The following CPNE8 variants were observed in gnomAD, a reference collection of about 807,000 sequenced individuals.
CPNE8 encodes the protein copine 8.
CPNE8 carries 45 observed loss-of-function variants against 81.5 expected under a neutral mutation model. The observed-to-expected ratio is 0.55, with a 90% CI of 0.44 to 0.71. CPNE8 has a LOEUF of 0.71. CPNE8 is among the 30% of genes least tolerant of loss of function. The pLI is 0.00. For missense variants in CPNE8, 594 were observed against 672.1 expected, an observed-to-expected ratio of 0.88 and a Z score of 1.28; for synonymous variants, 252 against 226.3, an observed-to-expected ratio of 1.11 and a Z score of -1.02.
chr12:38,786,671 A>T (rs1190911918), intron 6 of CPNE8, among the ~76,000 whole-genome samples: 5 of 152,138 alleles, frequency 3.3e-5, no homozygotes, highest in African/African-American at 1.2e-4. Flanking sequence ...ATGGAAACCA[A>T]ATAAGAGTAG....
intron 3 of CPNE8, among the ~76,000 whole-genome samples, chr12:38,860,744 A>G (rs537790640): frequency 6.6e-6 from 1 of 152,310 alleles, no homozygotes; most frequent in South Asian, 2.1e-4. Flanking sequence ...TAAACCAGAC[A>G]CAGAAGGACA....
chr12:38,748,306 C>T (rs561326575), intron 10 of CPNE8, among the ~76,000 whole-genome samples: 4 of 152,060 alleles, frequency 2.6e-5, no homozygotes, highest in African/African-American at 7.2e-5. Context: ...CAACCCCATC[C>T]GAACGCAATA....
chr12:38,902,356 GAAAGAAAGAAAGAAAGAAAGAAAGA>G (rs1944487519), intron 1 of CPNE8, among the ~76,000 whole-genome samples: 1 of 59,094 alleles, frequency 1.7e-5, no homozygotes, highest in Admixed American at 1.8e-4. Context: ...AAGAAAGAAA[GAAAGAAAGAAAGAAAGAAAGAAAGA>G]AAAGAAAGAA....
At chr12:38,876,623 C>G (rs1592150635) in intron 1 of CPNE8, among the ~76,000 whole-genome samples, 1 of 152,078 alleles carries the variant, frequency 6.6e-6, no homozygotes, top group African/African-American at 2.4e-5. Context: ...AACAAAAAAC[C>G]CTTTGTATAA....
At chr12:38,858,242 T>C (rs1045317004) in intron 3 of CPNE8, among the ~76,000 whole-genome samples, 2 of 152,192 alleles carry the variant, frequency 1.3e-5, no homozygotes, top group African/African-American at 4.8e-5. Context: ...TTTTCCTCCA[T>C]ATAAAGCCAA....
intron 6 of CPNE8, among the ~76,000 whole-genome samples, chr12:38,818,719 C>A (rs1943066172): frequency 6.6e-6 from 1 of 152,210 alleles, no homozygotes; most frequent in African/African-American, 2.4e-5. Flanking sequence ...CTGTCTTCCA[C>A]AATGGTTGAA....
intron 11 of CPNE8, 64 bp downstream of exon 11, chr12:38,730,219 C>G: frequency 7.0e-6 from 7 of 1,001,336 alleles, no homozygotes; most frequent in Middle Eastern, 2.1e-4. Context: ...GCAGAATCCA[C>G]ACTTTTAAAG....
At chr12:38,670,601 T>C in intron 19 of CPNE8, 128 bp downstream of exon 19, 1 of 599,730 alleles carries the variant, frequency 1.7e-6, no homozygotes. Context: ...ATATATTTAG[T>C]TTTTGTTGAG....
intron 19 of CPNE8, among the ~76,000 whole-genome samples, chr12:38,658,982 C>T (rs982690131): frequency 2.0e-5 from 3 of 152,144 alleles, no homozygotes; most frequent in African/African-American, 7.2e-5. Context: ...TATGAAGAAA[C>T]TGCATCAATT....
intron 19 of CPNE8, among the ~76,000 whole-genome samples, chr12:38,655,360 TA>T (rs1197527513): frequency 3.9e-5 from 6 of 152,144 alleles, no homozygotes; most frequent in African/African-American, 1.4e-4. Context: ...AATTTTCCCT[TA>T]GGGGCATAAT....
rs1332997514 is a variant in CPNE8 at position 38,652,984 on chromosome 12, T to C, written c.*898A>G. The C allele has an allele frequency of 6.6e-6, 1 of 152,626 alleles. No individual in the cohort carries two copies. Among genetic ancestry groups the C allele is most frequent in the Non-Finnish European group, 1.5e-5 (1 of 68,026 alleles). 9.5% of individuals were successfully genotyped at this position (152,626 alleles called of 1,614,324 possible). The stretch of plus-strand genomic sequence containing the variant: ...TGAATTAAAATATCTAGACAAGATA[T>C]AATGGAATAAAAAGTTTAAAACATC... On this transcript the variant is annotated 3_prime_UTR_variant, in exon 20 of 20. Transcript: ENST00000331366.
rs79616369 is a variant in CPNE8, at chr12:38,840,742, A to G, written c.291-787T>C. 6.9e-3 allele frequency among the ~76,000 whole-genome samples: 1,047 copies of G among 152,304 alleles called. 19 individuals carry two copies. Among genetic ancestry groups the G allele is most frequent in the African/African-American group, 0.023 (972 of 41,582 alleles). ...ATGGAAACAAACATATTTACATAAG[A>G]CTACCATATGTTCTGGTTTTGACCA... On this transcript the variant is annotated intron_variant, in intron 4 of 19. Coordinates refer to ENST00000331366, the MANE Select transcript of CPNE8 (RefSeq NM_153634.3).
chr12:38,776,488 T>G lies in CPNE8; in HGVS notation c.408-187A>C, dbSNP rs1381624407. ...GCCCAGCTAAATTTTGTATGTTTTT[T>G]TAGCAGAGATGGGGTTTCGCCATGT... On this transcript the variant is annotated intron_variant, in intron 6 of 19. Coordinates refer to ENST00000331366, the MANE Select transcript of CPNE8 (RefSeq NM_153634.3). 5.9e-5 allele frequency among the ~76,000 whole-genome samples: 9 copies of G among 151,864 alleles called. 1 individual carries two copies. The South Asian group carries it at 1.9e-3, about 31-fold the overall frequency.
intron 6 of CPNE8, among the ~76,000 whole-genome samples, chr12:38,785,604 T>C (rs1285072878): frequency 6.6e-6 from 1 of 152,280 alleles, no homozygotes; most frequent in African/African-American, 2.4e-5. Context: ...TCATTCACCT[T>C]CCACTAAGAT....
intron 1 of CPNE8, among the ~76,000 whole-genome samples, chr12:38,888,302 A>G (rs1944264226): frequency 6.6e-6 from 1 of 152,240 alleles, no homozygotes; most frequent in Non-Finnish European, 1.5e-5. Context: ...GAAAATCTTT[A>G]TCTATATGCA....
At chr12:38,880,396 A>C (rs1216558182) in intron 1 of CPNE8, among the ~76,000 whole-genome samples, 1 of 152,226 alleles carries the variant, frequency 6.6e-6, no homozygotes, top group African/African-American at 2.4e-5. Context: ...TTTAGTCTCC[A>C]ATCTAAAGCA....
chr12:38,856,374 TC>T (rs1467515205), intron 3 of CPNE8, among the ~76,000 whole-genome samples: 1 of 152,118 alleles, frequency 6.6e-6, no homozygotes, highest in Non-Finnish European at 1.5e-5. Flanking sequence ...AGCATTATCA[TC>T]ATACCAAAGC....
intron 6 of CPNE8, among the ~76,000 whole-genome samples, chr12:38,811,769 G>A (rs1942940340): frequency 6.6e-6 from 1 of 152,196 alleles, no homozygotes; most frequent in African/African-American, 2.4e-5. Flanking sequence ...CTATTTGGGA[G>A]GCTGAGGCAG....
intron 1 of CPNE8, among the ~76,000 whole-genome samples, chr12:38,901,539 G>T (rs1944461719): frequency 6.6e-6 from 1 of 151,968 alleles, no homozygotes. Context: ...TCAGCTACAG[G>T]CATTTTTAGT....
Sources: allele counts gnomAD v4.1 joint callset (sites outside exome capture counted in the v4.1 genomes callset), GRCh38; gene constraint gnomAD v4.1.1; transcripts MANE v1.5; gene names NCBI Gene and HGNC (gene_info 2026-07-23, HGNC 2026-07-21).